CTIF: variants seen among roughly 807,000 people sequenced by gnomAD.
The protein encoded by CTIF is CBP80/20-dependent translation initiation factor.
CTIF carries 21 observed loss-of-function variants against 66.0 expected under a neutral mutation model. The ratio of observed to expected loss-of-function variants is 0.32; its 90% CI spans 0.23 to 0.46. The LOEUF (loss-of-function observed/expected upper bound fraction) is 0.46, where lower values mean the gene tolerates loss of function less well. Ranked by LOEUF, CTIF falls within the 20% of genes least tolerant of loss-of-function variation. The probability of loss-of-function intolerance (pLI) is 1.00; values close to 1 mark genes in which losing one functional copy is unlikely to be tolerated. For synonymous variants in CTIF, 345 were observed against 326.4 expected (o/e 1.06, Z -0.62); for missense variants, 739 against 812.7 (o/e 0.91, Z 1.10).
intron 1 of CTIF, among the ~76,000 whole-genome samples, chr18:48,547,082 C>G (rs2088769521): frequency 6.6e-6 from 1 of 152,122 alleles, no homozygotes; most frequent in Admixed American, 6.5e-5. Context: ...GCTTTGCGAT[C>G]AGGGCAGGGT....
At chr18:48,737,097 A>G (rs1447042738) in intron 7 of CTIF, among the ~76,000 whole-genome samples, 1 of 152,150 alleles carries the variant, frequency 6.6e-6, no homozygotes, top group Non-Finnish European at 1.5e-5. Context: ...TGGCCCCTGC[A>G]TGATGAGAGA....
intron 6 of CTIF, among the ~76,000 whole-genome samples, chr18:48,701,290 G>T (rs2092080775): frequency 6.6e-6 from 1 of 152,164 alleles, no homozygotes; most frequent in Admixed American, 6.5e-5. Context: ...GCCATTTTCA[G>T]TTCAGAAGTG....
Position 48,817,356 on chromosome 18 carries a change from A to G in CTIF, c.1507A>G (p.Ile503Val). 2 of 1,612,762 alleles carry G rather than the reference A, an allele frequency of 1.2e-6. No individual in the cohort carries two copies. Among genetic ancestry groups the G allele is most frequent in the Non-Finnish European group, 1.7e-6 (2 of 1,179,524 alleles). ...GEPFRVLVCP[I>V]YTCLRELLQS... ...GCCCTTCCGTGTGCTCGTGTGCCCC[A>G]TCTACACCTGCCTCAGGGAGGTAAG... The change falls in exon 10 of 12, where the codon ATC (isoleucine) becomes GTC (valine). Residue 503 changes from isoleucine to valine, a missense_variant. Physicochemically the swap from Ile to Val is conservative, Grantham distance 29. This residue lies in a region of CTIF where 210 missense variants were observed against 292.3 expected (regional missense o/e 0.72). Transcript: ENST00000256413.
At chr18:48,810,867 C>T in intron 9 of CTIF, among the ~76,000 whole-genome samples, 1 of 151,736 alleles carries the variant, frequency 6.6e-6, no homozygotes, top group East Asian at 1.9e-4. Context: ...CTTAAAAATA[C>T]TTCCCTTTTA....
intron 9 of CTIF, among the ~76,000 whole-genome samples, chr18:48,789,400 G>A (rs911956777): frequency 5.3e-5 from 8 of 152,190 alleles, no homozygotes; most frequent in African/African-American, 1.7e-4. Flanking sequence ...GTAGTAAAGG[G>A]CATAATACAA....
At chr18:48,587,909 A>G (rs545665364) in intron 1 of CTIF, among the ~76,000 whole-genome samples, 1 of 152,234 alleles carries the variant, frequency 6.6e-6, no homozygotes, top group Non-Finnish European at 1.5e-5. Context: ...CACACAGCCA[A>G]TCGCCTTTCT....
chr18:48,570,447 G>A (rs921589272), intron 1 of CTIF, among the ~76,000 whole-genome samples: 1 of 152,218 alleles, frequency 6.6e-6, no homozygotes, highest in Non-Finnish European at 1.5e-5. Context: ...AGTCCCTCTG[G>A]TCAGAGAGAG....
Position 48,659,869 on chromosome 18 carries a change from C to T in CTIF, c.253-3883C>T, listed in dbSNP as rs578007436. Among the ~76,000 whole-genome samples, 53 of 152,328 alleles carry T rather than the reference C, an allele frequency of 3.5e-4. No individual in the cohort carries two copies. The East Asian group carries it at 7.5e-3, about 22-fold the overall frequency. ...GAAATACGGTGTGTACTGGGAATGG[C>T]AGGGATATCGCTGGGTTTCTTGTCA... On this transcript the variant is annotated intron_variant, in intron 3 of 11. Coordinates refer to ENST00000256413, the MANE Select transcript of CTIF (RefSeq NM_014772.3).
At chr18:48,816,062 A>G (rs1459562990) in intron 9 of CTIF, among the ~76,000 whole-genome samples, 1 of 152,212 alleles carries the variant, frequency 6.6e-6, no homozygotes, top group Non-Finnish European at 1.5e-5. Context: ...GTAAGCGTGC[A>G]TGTAGATGGT....
chr18:48,622,008 C>T (rs2090502711), intron 2 of CTIF, among the ~76,000 whole-genome samples: 1 of 152,214 alleles, frequency 6.6e-6, no homozygotes, highest in African/African-American at 2.4e-5. Context: ...TGTGGTTTCT[C>T]TCCAGCGGCT....
At position 48,761,979 on chromosome 18, in the gene CTIF, C is replaced by T. The variant is rs1422780617; in HGVS notation, c.1371+290C>T. Among the ~76,000 whole-genome samples the T allele has an allele frequency of 1.3e-5, 2 of 152,188 alleles. No individual in the cohort carries two copies. The highest frequency in any genetic ancestry group is 1.3e-4 in the Admixed American group (2 of 15,280). ...TTTCTATTTTCATAAGAGGCTGGCT[C>T]TTGGTCTCAACCTGGCTATGTGCTT... On this transcript the variant is annotated intron_variant, in intron 9 of 11. Transcript: ENST00000256413. The surrounding 1 kb of genome is among the most constrained non-coding windows in gnomAD (Gnocchi z 4.2).
chr18:48,722,860 G>T (rs1472904186), intron 7 of CTIF, among the ~76,000 whole-genome samples: 1 of 152,224 alleles, frequency 6.6e-6, no homozygotes, highest in Non-Finnish European at 1.5e-5. Context: ...GTAGCAGGCT[G>T]TGCATCCCAC....
chr18:48,738,290 A>G (rs1313315015), intron 7 of CTIF, among the ~76,000 whole-genome samples: 3 of 152,182 alleles, frequency 2.0e-5, no homozygotes, highest in Non-Finnish European at 2.9e-5. Flanking sequence ...GATTACTCCT[A>G]TAACATTACT....
intron 7 of CTIF, among the ~76,000 whole-genome samples, chr18:48,724,036 C>G (rs529718498): frequency 3.9e-5 from 6 of 152,146 alleles, no homozygotes; most frequent in African/African-American, 2.4e-5. Flanking sequence ...TGAAGTTGTC[C>G]CCTGGGTGCT....
intron 3 of CTIF, among the ~76,000 whole-genome samples, chr18:48,653,758 G>C (rs2091198822): frequency 6.6e-6 from 1 of 152,192 alleles, no homozygotes; most frequent in Admixed American, 6.5e-5. Context: ...AAACAGCATT[G>C]CACTGGTACC....
chr18:48,655,823 G>A (rs947587545), intron 3 of CTIF, among the ~76,000 whole-genome samples: 8 of 152,270 alleles, frequency 5.3e-5, no homozygotes, highest in Admixed American at 2.6e-4. Flanking sequence ...GCATCCTCCC[G>A]CTGTCCTATC....
rs540354636 is a variant in CTIF, at chr18:48,665,194, A to G, written c.431+643A>G. On this transcript the variant is annotated intron_variant, in intron 5 of 11. Coordinates refer to ENST00000256413, the MANE Select transcript of CTIF (RefSeq NM_014772.3). ...CTCCCAAAGTGCTGGGATTACAGGC[A>G]TGAGCCACCGCGCCCGGCCTGAGGC... 3.2e-3 allele frequency among the ~76,000 whole-genome samples: 482 copies of G among 151,788 alleles called. 1 individual carries two copies. The highest frequency in any genetic ancestry group is 7.7e-3 in the Admixed American group (117 of 15,256).
chr18:48,699,607 G>A (rs1346578125), intron 6 of CTIF, among the ~76,000 whole-genome samples: 1 of 152,194 alleles, frequency 6.6e-6, no homozygotes, highest in African/African-American at 2.4e-5. Context: ...CCCAGCAGGT[G>A]CACAAAGACC....
intron 6 of CTIF, among the ~76,000 whole-genome samples, chr18:48,672,534 C>A (rs938916796): frequency 1.3e-5 from 2 of 152,170 alleles, no homozygotes; most frequent in Non-Finnish European, 2.9e-5. Flanking sequence ...CACCTCTAGC[C>A]TGAGGACCTC....
Sources: allele counts gnomAD v4.1 joint callset (sites outside exome capture counted in the v4.1 genomes callset), GRCh38; gene constraint gnomAD v4.1.1; regional missense constraint gnomAD v4.1.1; non-coding constraint Gnocchi (gnomAD v3.1); transcripts MANE v1.5; gene names NCBI Gene and HGNC (gene_info 2026-07-23, HGNC 2026-07-21).